CLVS1: variants seen among roughly 807,000 people sequenced by gnomAD.
CLVS1 encodes the protein clavesin-1.
A neutral mutation model predicts 33.1 loss-of-function variants in CLVS1; 10 were observed. That is an observed-to-expected ratio of 0.30 (90% CI 0.19 to 0.51). CLVS1 has a LOEUF of 0.51. Among genes scored for constraint, CLVS1 ranks in the 20% least tolerant of loss-of-function variants. The probability of loss-of-function intolerance (pLI) is 0.97; values close to 1 mark genes in which losing one functional copy is unlikely to be tolerated. For missense variants in CLVS1, 343 were observed against 433.4 expected, an observed-to-expected ratio of 0.79 and a Z score of 1.85; for synonymous variants, 163 against 166.1, an observed-to-expected ratio of 0.98 and a Z score of 0.14.
chr8:61,029,416 G>A, the CLVS1 span, among the ~76,000 whole-genome samples: 6 of 152,264 alleles, frequency 3.9e-5, no homozygotes, highest in African/African-American at 1.2e-4. Flanking sequence ...TCTGGGATGT[G>A]AGCAGGTGAG....
rs182622768 is a variant in CLVS1 at position 61,376,921 on chromosome 8, C to T, written c.630+142C>T. Reference sequence around the variant, plus strand: ...TCATCTGAGTACTCCATGTTTTTGCCTCAGCCAGAGTTTTAGATGCTTTTT... The same window carrying T: ...TCATCTGAGTACTCCATGTTTTTGCTTCAGCCAGAGTTTTAGATGCTTTTT... On this transcript the variant is annotated intron_variant, in intron 3 of 5. Coordinates refer to ENST00000325897, the MANE Select transcript of CLVS1 (RefSeq NM_173519.3). The T allele has an allele frequency of 3.0e-3, 2,107 of 693,908 alleles. 10 individuals are homozygous for T. Among genetic ancestry groups the T allele is most frequent in the Non-Finnish European group, 3.6e-3 (1,607 of 451,348 alleles). 43.0% of individuals were successfully genotyped at this position (693,908 alleles called of 1,614,324 possible). A position where few individuals can be genotyped will look rare whatever the true frequency, so the allele number is the denominator to read the frequency against.
At chr8:61,093,725 T>G (rs1258943017) in intron 1 of CLVS1, among the ~76,000 whole-genome samples, 5 of 152,232 alleles carry the variant, frequency 3.3e-5, no homozygotes, top group Admixed American at 6.5e-5. Context: ...TTAGCTGCTT[T>G]TTCTTGGACC....
chr8:61,277,968 T>C (rs1809595239), intron 2 of CLVS1, among the ~76,000 whole-genome samples: 1 of 152,162 alleles, frequency 6.6e-6, no homozygotes, highest in African/African-American at 2.4e-5. Context: ...GTAAAGCTTG[T>C]TAATGTAGAG....
the CLVS1 span, among the ~76,000 whole-genome samples, chr8:60,976,584 G>A: frequency 1.3e-5 from 2 of 152,244 alleles, no homozygotes; most frequent in East Asian, 1.9e-4. Context: ...AGACGGTGGA[G>A]TAGGAAGCTC....
At chr8:61,294,524 CT>C (rs1165949739) in intron 1 of CLVS1, among the ~76,000 whole-genome samples, 1 of 152,086 alleles carries the variant, frequency 6.6e-6, no homozygotes, top group Non-Finnish European at 1.5e-5. Flanking sequence ...TAAAGTAGAT[CT>C]TTTCCTTTCA....
chr8:61,023,286 C>CTCTG, the CLVS1 span, among the ~76,000 whole-genome samples: 1 of 152,202 alleles, frequency 6.6e-6, no homozygotes, highest in Admixed American at 6.5e-5. Context: ...TAGCTGGGCT[C>CTCTG]TCTGTGCCCT....
chr8:60,968,938 A>G, the CLVS1 span, among the ~76,000 whole-genome samples: 1 of 151,756 alleles, frequency 6.6e-6, no homozygotes, highest in Non-Finnish European at 1.5e-5. Context: ...AAAGAAAACT[A>G]GGAGGCCAGG....
At chr8:61,068,229 G>GTGTATATATA (rs1554531443) in intron 1 of CLVS1, among the ~76,000 whole-genome samples, 2 of 101,004 alleles carry the variant, frequency 2.0e-5, no homozygotes, top group African/African-American at 7.3e-5. Flanking sequence ...GTATGTATGT[G>GTGTATATATA]TATATATATA....
the CLVS1 span, among the ~76,000 whole-genome samples, chr8:60,989,578 C>T: frequency 2.0e-5 from 3 of 152,144 alleles, no homozygotes; most frequent in Non-Finnish European, 4.4e-5. Flanking sequence ...TGCTATTGCT[C>T]TAGTCTGGGG....
At chr8:61,305,037 G>T (rs1263324498) in intron 2 of CLVS1, among the ~76,000 whole-genome samples, 2 of 152,032 alleles carry the variant, frequency 1.3e-5, no homozygotes, top group African/African-American at 4.8e-5. Flanking sequence ...GGGGTCTTGA[G>T]CAAGTTGCTT....
intron 2 of CLVS1, among the ~76,000 whole-genome samples, chr8:61,312,235 T>C (rs2129595562): frequency 6.6e-6 from 1 of 152,092 alleles, no homozygotes; most frequent in East Asian, 1.9e-4. Context: ...ACCTGCCAGC[T>C]CCCCCGCCCT....
chr8:61,083,817 C>T (rs1247035710), intron 1 of CLVS1, among the ~76,000 whole-genome samples: 5 of 152,014 alleles, frequency 3.3e-5, no homozygotes, highest in Admixed American at 2.0e-4. Context: ...AGAAAATTTT[C>T]CTGCGTTGAA....
the CLVS1 span, among the ~76,000 whole-genome samples, chr8:60,974,234 C>A: frequency 6.6e-6 from 1 of 152,098 alleles, no homozygotes; most frequent in South Asian, 2.1e-4. Flanking sequence ...TGGGGGCACT[C>A]CCCAAGTCCC....
At chr8:61,068,356 C>T (rs989083347) in intron 1 of CLVS1, among the ~76,000 whole-genome samples, 5 of 151,478 alleles carry the variant, frequency 3.3e-5, no homozygotes, top group Non-Finnish European at 5.9e-5. Flanking sequence ...GACTCCAGGG[C>T]GGGAGAGCTG....
At chr8:61,376,424 G>A (rs1813644584) in intron 2 of CLVS1, among the ~76,000 whole-genome samples, 181 bp from the exon 3 acceptor site, 1 of 152,240 alleles carries the variant, frequency 6.6e-6, no homozygotes, top group African/African-American at 2.4e-5. Flanking sequence ...TGCAAGTCTT[G>A]AAGCATTATG....
intron 1 of CLVS1, among the ~76,000 whole-genome samples, chr8:61,295,393 CAA>C (rs1810158472): frequency 6.6e-6 from 1 of 152,046 alleles, no homozygotes; most frequent in African/African-American, 2.4e-5. Flanking sequence ...AAAGGAAGAG[CAA>C]AAATTAGTGA....
intron 2 of CLVS1, among the ~76,000 whole-genome samples, chr8:61,152,509 C>G (rs1198695355): frequency 1.3e-5 from 2 of 152,140 alleles, no homozygotes; most frequent in Non-Finnish European, 1.5e-5. Flanking sequence ...CTTTCTTCTT[C>G]CAAGATGGCG....
the CLVS1 span, among the ~76,000 whole-genome samples, chr8:61,000,683 C>T: frequency 6.6e-6 from 1 of 152,176 alleles, no homozygotes; most frequent in African/African-American, 2.4e-5. Flanking sequence ...ATGGTAAATT[C>T]CAGCTCAATA....
chr8:61,368,854 T>C (rs2129600866), intron 2 of CLVS1, among the ~76,000 whole-genome samples: 1 of 152,376 alleles, frequency 6.6e-6, no homozygotes, highest in African/African-American at 2.4e-5. Flanking sequence ...CAACTCATTA[T>C]TCTGGTATTT....
Sources: gnomAD v4.1 joint callset for allele counts (sites outside exome capture counted in the v4.1 genomes callset) on GRCh38, gnomAD v4.1.1 for gene constraint, MANE v1.5 for transcripts, NCBI Gene and HGNC (gene_info 2026-07-23, HGNC 2026-07-21) for gene names.